Variants in GRHL3 observed in about 807,000 individuals in gnomAD.
The protein encoded by GRHL3 is grainyhead-like protein 3 homolog.
GRHL3 carries 20 observed loss-of-function variants against 70.3 expected under a neutral mutation model. The observed-to-expected ratio is 0.28, with a 90% CI of 0.20 to 0.41. The LOEUF (loss-of-function observed/expected upper bound fraction) is 0.41. Ranked by LOEUF, GRHL3 falls within the 10% of genes least tolerant of loss-of-function variation. GRHL3 has a pLI of 1.00. For synonymous variants in GRHL3, 299 were observed against 299.9 expected, an observed-to-expected ratio of 1.00 and a Z score of 0.03; for missense variants, 637 against 762.3, an observed-to-expected ratio of 0.84 and a Z score of 1.94.
intron 12 of GRHL3, among the ~76,000 whole-genome samples, chr1:24,346,231 G>T (rs562261296): frequency 7.9e-5 from 12 of 151,908 alleles, no homozygotes; most frequent in Non-Finnish European, 1.3e-4. Context: ...TGTTCTAAGC[G>T]CAGTGAGCAT....
At chr1:24,353,785 C>T (rs552929200) in intron 15 of GRHL3, among the ~76,000 whole-genome samples, 8 of 152,298 alleles carry the variant, frequency 5.3e-5, no homozygotes, top group South Asian at 2.1e-4. Context: ...ATGAAGATTC[C>T]GTCTCTCTCA....
chr1:24,335,866 G>A (rs897582632), intron 3 of GRHL3, among the ~76,000 whole-genome samples: 5 of 152,190 alleles, frequency 3.3e-5, no homozygotes, highest in East Asian at 1.9e-4. Context: ...ACAGGCGTGA[G>A]CCACCGCGCC....
downstream of GRHL3, chr1:24,357,965 A>C (rs961466113): frequency 2.3e-5 from 8 of 345,392 alleles, no homozygotes; most frequent in Admixed American, 1.1e-4. Context: ...AGGTCTTTCC[A>C]AACAGGTGGT....
In GRHL3 at chr1:24,342,018, G is replaced by A; in HGVS notation, c.1048-97G>A. On this transcript the variant is annotated intron_variant, in intron 8 of 15. Transcript: ENST00000361548. This position sits in a 1 kb window ranked among gnomAD's most constrained non-coding sequence, Gnocchi z 4.8. ...GCCTAGTGAGGCTTAAGGGTGAGCA[G>A]CAGGCACACAGAAAGCTAGAAATAC... is the stretch of plus-strand genomic sequence containing the variant. 1 of 1,179,972 alleles carries A rather than the reference G, an allele frequency of 8.5e-7. No individual in the cohort carries two copies. Among genetic ancestry groups the A allele is most frequent in the Non-Finnish European group, 1.2e-6 (1 of 840,388 alleles). The allele number at this position is 1,179,972 out of a possible 1,614,324, so 73.1% of individuals were successfully genotyped here. A position where few individuals can be genotyped will look rare whatever the true frequency, so the allele number is the denominator to read the frequency against.
intron 14 of GRHL3, among the ~76,000 whole-genome samples, chr1:24,348,737 C>T (rs1640390147): frequency 6.6e-6 from 1 of 152,198 alleles, no homozygotes; most frequent in Non-Finnish European, 1.5e-5. Flanking sequence ...CTTAGATTGA[C>T]TTGAGATCTT....
downstream of GRHL3, chr1:24,358,751 CAG>C (rs1448782284): frequency 1.5e-6 from 1 of 651,834 alleles, no homozygotes; most frequent in East Asian, 2.7e-5. Flanking sequence ...CGTGGGGAGA[CAG>C]AGAGGAAGGA....
intron 15 of GRHL3, among the ~76,000 whole-genome samples, chr1:24,361,587 C>A (rs1234916137): frequency 6.6e-6 from 1 of 152,144 alleles, no homozygotes; most frequent in African/African-American, 2.4e-5. Flanking sequence ...GCCACTGTAA[C>A]ATTGACATTC....
chr1:24,325,858 C>G (rs1009898137), intron 1 of GRHL3, among the ~76,000 whole-genome samples: 3 of 152,236 alleles, frequency 2.0e-5, no homozygotes, highest in Non-Finnish European at 4.4e-5. Flanking sequence ...GTTGCCTGCT[C>G]TCTCCTAAAT....
At chr1:24,328,899 G>A (rs1569861979) in intron 1 of GRHL3, among the ~76,000 whole-genome samples, 2 of 152,316 alleles carry the variant, frequency 1.3e-5, no homozygotes, top group African/African-American at 4.8e-5. Context: ...GTTGATCCAG[G>A]GGGTGGGATC....
At chr1:24,339,283 T>TG (rs1439923467) in intron 7 of GRHL3, among the ~76,000 whole-genome samples, 10 of 48,838 alleles carry the variant, frequency 2.0e-4, no homozygotes, top group African/African-American at 1.2e-3. Flanking sequence ...AGTTTTGTCT[T>TG]TTTTTTTTTT....
chr1:24,350,643 A>G (rs760455951), intron 15 of GRHL3, among the ~76,000 whole-genome samples: 12 of 152,202 alleles, frequency 7.9e-5, no homozygotes, highest in Non-Finnish European at 1.6e-4. Flanking sequence ...CAGGCCCAAC[A>G]AAGTTGTTAC....
chr1:24,326,547 C>T (rs913966671), intron 1 of GRHL3, among the ~76,000 whole-genome samples: 1 of 152,142 alleles, frequency 6.6e-6, no homozygotes, highest in African/African-American at 2.4e-5. Context: ...TTTTTGTGGT[C>T]ATGTAGGTCT....
At chr1:24,336,905 C>T (rs906007106) in intron 4 of GRHL3, 78 bp downstream of exon 4, 3 of 1,346,350 alleles carry the variant, frequency 2.2e-6, no homozygotes, top group Non-Finnish European at 3.1e-6. Context: ...GTGAACAGAT[C>T]AGAGCTTTGG....
chr1:24,340,482 C>T (rs897059598), intron 8 of GRHL3, among the ~76,000 whole-genome samples: 3 of 152,224 alleles, frequency 2.0e-5, no homozygotes, highest in African/African-American at 7.2e-5. Context: ...AGCCCAGCCG[C>T]GGGCTTGCCA....
Position 24,342,672 on chromosome 1 carries a change from C to A in GRHL3, c.1207-22C>A. The A allele has an allele frequency of 6.2e-7, 1 of 1,611,348 alleles. No homozygotes were observed. The highest frequency in any genetic ancestry group is 8.5e-7 in the Non-Finnish European group (1 of 1,177,428). On this transcript the variant is annotated intron_variant, in intron 9 of 15. Transcript: ENST00000361548. The surrounding 1 kb of genome is among the most constrained non-coding windows in gnomAD (Gnocchi z 4.8). ...TAGCCCCTCCCAGGCCCTTGGTGAC[C>A]CTCTCTCCTTCTCCCCTGCAGGGAG...
intron 12 of GRHL3, among the ~76,000 whole-genome samples, chr1:24,346,181 G>A (rs995228776): frequency 2.0e-5 from 3 of 148,486 alleles, no homozygotes; most frequent in Admixed American, 1.3e-4. Context: ...TGATGATGAC[G>A]ATGAGTCCAC....
At chr1:24,326,761 C>A (rs1639415668) in intron 1 of GRHL3, among the ~76,000 whole-genome samples, 1 of 152,082 alleles carries the variant, frequency 6.6e-6, no homozygotes, top group African/African-American at 2.4e-5. Context: ...AGTTTTTTCC[C>A]TCTTGAGAAA....
downstream of GRHL3, chr1:24,358,410 G>A (rs934400581): frequency 3.8e-6 from 3 of 795,930 alleles, no homozygotes; most frequent in Non-Finnish European, 6.8e-6. Context: ...AGGATGCCAG[G>A]CCAGAGTGGT....
At chr1:24,336,435 T>A (rs1430158341) in intron 3 of GRHL3, 47 bp from the exon 4 acceptor site, 1 of 1,351,386 alleles carries the variant, frequency 7.4e-7, no homozygotes, top group South Asian at 1.4e-5. Context: ...AAGACCCCCC[T>A]TTACCCCCAG....
Sources: allele counts gnomAD v4.1 joint callset (sites outside exome capture counted in the v4.1 genomes callset), GRCh38; gene constraint gnomAD v4.1.1; non-coding constraint Gnocchi (gnomAD v3.1); transcripts MANE v1.5; gene names NCBI Gene and HGNC (gene_info 2026-07-23, HGNC 2026-07-21).